Variants in GRID2 observed in about 807,000 individuals in gnomAD.
The protein encoded by GRID2 is glutamate ionotropic receptor delta type subunit 2, also known as glutamate receptor ionotropic, delta-2.
In GRID2, 33 loss-of-function variants were observed where a neutral mutation model predicts 114.8. The observed-to-expected ratio is 0.29, with a 90% CI of 0.22 to 0.38. GRID2 has a LOEUF of 0.38. GRID2 is among the 10% of genes least tolerant of loss of function. The probability of loss-of-function intolerance (pLI) is 1.00; values close to 1 mark genes in which losing one functional copy is unlikely to be tolerated. For missense variants in GRID2, 1,184 were observed against 1,257.7 expected (o/e 0.94, Z 0.89); for synonymous variants, 505 against 449.9 (o/e 1.12, Z -1.55).
intron 7 of GRID2, among the ~76,000 whole-genome samples, chr4:93,237,672 T>A (rs1440085894): frequency 6.6e-6 from 1 of 151,790 alleles, no homozygotes; most frequent in East Asian, 1.9e-4. Flanking sequence ...GAGAAAAGAA[T>A]GATAAACAAG....
intron 8 of GRID2, among the ~76,000 whole-genome samples, chr4:93,265,786 G>A (rs1054975191): frequency 1.3e-5 from 2 of 152,142 alleles, no homozygotes; most frequent in African/African-American, 2.4e-5. Context: ...AAATCTTAAG[G>A]AGCACCCCTT....
intron 14 of GRID2, among the ~76,000 whole-genome samples, chr4:93,741,196 T>TATATAC (rs1731380659): frequency 3.3e-5 from 1 of 29,992 alleles, no homozygotes; most frequent in Non-Finnish European, 5.9e-5. Context: ...TATATATATA[T>TATATAC]ATATGTATAT....
At chr4:92,346,339 G>A (rs1727758941) in intron 1 of GRID2, among the ~76,000 whole-genome samples, 1 of 152,044 alleles carries the variant, frequency 6.6e-6, no homozygotes, top group Admixed American at 6.6e-5. Flanking sequence ...GGTATAATTT[G>A]ACTCATATTT....
At chr4:93,302,083 T>A (rs765705954) in intron 8 of GRID2, among the ~76,000 whole-genome samples, 3 of 152,160 alleles carry the variant, frequency 2.0e-5, no homozygotes, top group Non-Finnish European at 4.4e-5. Context: ...GAAAAATTAC[T>A]TTCAAAGAAG....
intron 4 of GRID2, chr4:93,112,038 T>G (rs543268112): frequency 6.6e-6 from 1 of 152,196 alleles, no homozygotes; most frequent in Admixed American, 6.6e-5. Flanking sequence ...GAGAATCTTA[T>G]TGAACTACTA....
chr4:92,538,748 T>G (rs1486486064), intron 1 of GRID2, among the ~76,000 whole-genome samples: 1 of 152,134 alleles, frequency 6.6e-6, no homozygotes, highest in Non-Finnish European at 1.5e-5. Context: ...ATGTATTAAA[T>G]GGATACATTA....
chr4:93,589,269 T>C (rs1482956900), intron 13 of GRID2, among the ~76,000 whole-genome samples: 2 of 147,890 alleles, frequency 1.4e-5, no homozygotes, highest in Non-Finnish European at 3.0e-5. Context: ...ATCTCACTGT[T>C]CAATTCCCAC....
chr4:93,034,716 C>T (rs552995635), intron 2 of GRID2, among the ~76,000 whole-genome samples: 1 of 152,276 alleles, frequency 6.6e-6, no homozygotes, highest in Admixed American at 6.6e-5. Flanking sequence ...ACATAACTCA[C>T]TTTGTCCAAT....
chr4:92,692,029 A>G lies in GRID2; in HGVS notation c.244+101743A>G, dbSNP rs17019765. ...TAATGAAAATAACTTAGAGACAAAA[A>G]GCCACCCAAAATTTCTTTTAACTTG... is the stretch of plus-strand genomic sequence containing the variant. On this transcript the variant is annotated intron_variant, in intron 2 of 15. Coordinates refer to ENST00000282020, the MANE Select transcript of GRID2 (RefSeq NM_001510.4). Among the ~76,000 whole-genome samples, 922 of 152,320 alleles carry G rather than the reference A, an allele frequency of 6.1e-3. 8 individuals are homozygous for G. The highest frequency in any genetic ancestry group is 0.021 in the African/African-American group (860 of 41,570).
At chr4:93,218,729 A>C (rs1744528402) in intron 6 of GRID2, among the ~76,000 whole-genome samples, 1 of 152,156 alleles carries the variant, frequency 6.6e-6, no homozygotes, top group Non-Finnish European at 1.5e-5. Context: ...TATGTGTATT[A>C]GTTCATTCTC....
At chr4:92,821,142 T>G (rs1252039782) in intron 2 of GRID2, among the ~76,000 whole-genome samples, 2 of 152,164 alleles carry the variant, frequency 1.3e-5, no homozygotes, top group Non-Finnish European at 2.9e-5. Context: ...ATTGATATGT[T>G]TAACTGGCTT....
chr4:93,501,913 T>A (rs1242481132), intron 12 of GRID2, among the ~76,000 whole-genome samples: 1 of 152,140 alleles, frequency 6.6e-6, no homozygotes, highest in Non-Finnish European at 1.5e-5. Context: ...AGTGCTGTGC[T>A]CAAGAATATA....
chr4:93,794,769 A>G (rs1193442597), intron 1 of GRID2, among the ~76,000 whole-genome samples: 3 of 151,968 alleles, frequency 2.0e-5, no homozygotes, highest in African/African-American at 7.3e-5. Context: ...TTCTTCTTCC[A>G]TTTTTCTCCC....
intron 2 of GRID2, among the ~76,000 whole-genome samples, chr4:92,638,543 A>G (rs892295323): frequency 2.7e-5 from 4 of 148,972 alleles, no homozygotes; most frequent in Admixed American, 6.7e-5. Flanking sequence ...TATTCTTCCA[A>G]TTGACTCATT....
intron 13 of GRID2, among the ~76,000 whole-genome samples, chr4:93,578,477 A>T (rs72670648): frequency 2.6e-5 from 4 of 152,086 alleles, no homozygotes; most frequent in African/African-American, 9.7e-5. Context: ...AGATACAAAA[A>T]TGAATATTTA....
At chr4:92,731,105 A>G (rs566323781) in intron 2 of GRID2, among the ~76,000 whole-genome samples, 4 of 152,034 alleles carry the variant, frequency 2.6e-5, no homozygotes, top group East Asian at 3.9e-4. Context: ...AAAAGTTCCA[A>G]TTAAAAGGAA....
chr4:93,652,262 A>G (rs1028961276), intron 14 of GRID2, among the ~76,000 whole-genome samples: 2 of 152,118 alleles, frequency 1.3e-5, no homozygotes, highest in Non-Finnish European at 2.9e-5. Context: ...ACAGCCATCT[A>G]TAAAGTAAGC....
chr4:93,032,120 C>T (rs1323537937), intron 2 of GRID2, among the ~76,000 whole-genome samples: 3 of 152,124 alleles, frequency 2.0e-5, no homozygotes, highest in African/African-American at 7.2e-5. Context: ...TCAATTTCAC[C>T]ATAGCTCACA....
rs534591490 is a variant in GRID2, at chr4:92,756,601, A to G, written c.244+166315A>G. Among the ~76,000 whole-genome samples the G allele has an allele frequency of 2.6e-5, 4 of 152,252 alleles. No homozygotes were observed. In the East Asian group the frequency reaches 7.7e-4, roughly 29 times the overall value. On this transcript the variant is annotated intron_variant, in intron 2 of 15. Transcript: ENST00000282020. ...ATTCCCTTTTCTCTGCATCTTTGCC[A>G]GTATTAATGTCTTTTTGATAAAAGT... is the stretch of plus-strand genomic sequence containing the variant.
Sources: allele counts gnomAD v4.1 joint callset (sites outside exome capture counted in the v4.1 genomes callset), GRCh38; gene constraint gnomAD v4.1.1; transcripts MANE v1.5; gene names NCBI Gene and HGNC (gene_info 2026-07-23, HGNC 2026-07-21).